CNTN3: variants seen among roughly 807,000 people sequenced by gnomAD.
CNTN3 encodes the protein contactin-3.
A neutral mutation model predicts 119.1 loss-of-function variants in CNTN3; 60 were observed. The ratio of observed to expected loss-of-function variants is 0.50; its 90% CI spans 0.41 to 0.62. CNTN3 has a LOEUF of 0.62. CNTN3 is among the 20% of genes least tolerant of loss of function. The pLI, the probability that CNTN3 is intolerant of heterozygous loss-of-function variation, is 0.00. For synonymous variants in CNTN3, 450 were observed against 438.7 expected (o/e 1.03, Z -0.32); for missense variants, 1,101 against 1,242.4 (o/e 0.89, Z 1.71).
intron 13 of CNTN3, among the ~76,000 whole-genome samples, chr3:74,315,688 A>G (rs1702813917): frequency 6.6e-6 from 1 of 152,224 alleles, no homozygotes; most frequent in African/African-American, 2.4e-5. Context: ...TAAATAACAC[A>G]TGGATCAAAG....
intron 1 of CNTN3, among the ~76,000 whole-genome samples, chr3:74,537,797 C>T (rs1029302206): frequency 1.3e-5 from 2 of 152,012 alleles, no homozygotes; most frequent in African/African-American, 4.8e-5. Context: ...TCCTTCAAAA[C>T]CAATATTTCC....
At chr3:74,417,681 A>G (rs1701547088) in intron 5 of CNTN3, among the ~76,000 whole-genome samples, 2 of 152,234 alleles carry the variant, frequency 1.3e-5, no homozygotes, top group Admixed American at 6.5e-5. Context: ...TCCAACTACA[A>G]AATGGTCTAT....
intron 3 of CNTN3, among the ~76,000 whole-genome samples, chr3:74,490,227 A>C (rs1420679807): frequency 2.6e-5 from 4 of 152,224 alleles, no homozygotes; most frequent in Non-Finnish European, 4.4e-5. Flanking sequence ...TTTCTCAGTT[A>C]CTAAGTGACT....
intron 4 of CNTN3, among the ~76,000 whole-genome samples, chr3:74,477,454 C>A (rs1304934897): frequency 6.6e-6 from 1 of 152,116 alleles, no homozygotes; most frequent in African/African-American, 2.4e-5. Context: ...CTAAAAGATA[C>A]AGATCCTGAC....
At chr3:74,508,354 A>C (rs559391400) in intron 2 of CNTN3, among the ~76,000 whole-genome samples, 9 of 152,088 alleles carry the variant, frequency 5.9e-5, no homozygotes, top group Non-Finnish European at 1.2e-4. Context: ...TTTATAAATT[A>C]CCAGTCTCTG....
chr3:74,361,932 G>C lies in CNTN3; in HGVS notation c.1322C>G (p.Ser441Cys), dbSNP rs780103312. The C allele has an allele frequency of 6.2e-7, 1 of 1,613,746 alleles. No homozygotes were observed. The highest frequency in any genetic ancestry group is 1.1e-5 in the South Asian group (1 of 91,058). The stretch of plus-strand genomic sequence containing the variant: ...GCTCACATCCCCCTTCTTCCAGGAA[G>C]AGAGTGCCCTTGGGGAGGCTCTGGG... Reference protein sequence around the residue: ...CKPRASPRALSSWKKGDVSVQ... With the variant: ...CKPRASPRALCSWKKGDVSVQ... Residue 441 changes from serine to cysteine, a missense_variant, in exon 11 of 23, where the codon TCT becomes TGT. Physicochemically the swap from Ser to Cys is moderately radical, Grantham distance 112 (BLOSUM62 -1). Transcript: ENST00000263665.
At chr3:74,317,267 C>A (rs1412210646) in intron 13 of CNTN3, among the ~76,000 whole-genome samples, 1 of 150,104 alleles carries the variant, frequency 6.7e-6, no homozygotes, top group African/African-American at 2.5e-5. Flanking sequence ...ATACAGCACA[C>A]TGATGGGTCT....
intron 5 of CNTN3, among the ~76,000 whole-genome samples, chr3:74,421,983 C>T (rs1701622955): frequency 6.6e-6 from 1 of 152,210 alleles, no homozygotes; most frequent in South Asian, 2.1e-4. Flanking sequence ...CTTATATCTT[C>T]ACAAAGTTTC....
chr3:74,417,463 T>A (rs1163893381), intron 5 of CNTN3, among the ~76,000 whole-genome samples: 1 of 152,200 alleles, frequency 6.6e-6, no homozygotes, highest in Non-Finnish European at 1.5e-5. Flanking sequence ...ATAAGACATA[T>A]CACATCTTCC....
chr3:74,332,629 T>C (rs531465066), intron 13 of CNTN3, among the ~76,000 whole-genome samples: 2 of 152,366 alleles, frequency 1.3e-5, no homozygotes, highest in South Asian at 2.1e-4. Flanking sequence ...AACTGTTTGA[T>C]GCATATTACA....
intron 13 of CNTN3, among the ~76,000 whole-genome samples, chr3:74,310,990 G>T (rs768096300): frequency 5.9e-5 from 9 of 152,190 alleles, no homozygotes; most frequent in Non-Finnish European, 1.0e-4. Context: ...AGAGGACAGT[G>T]AGTTTAGGGT....
chr3:74,575,486 G>A (rs904997225), intron 1 of CNTN3, among the ~76,000 whole-genome samples: 2 of 151,852 alleles, frequency 1.3e-5, no homozygotes, highest in African/African-American at 2.4e-5. Context: ...TCCTAATTTC[G>A]TGATCTGCCC....
chr3:74,607,145 G>A (rs73839612), intron 1 of CNTN3, among the ~76,000 whole-genome samples: 2,483 of 152,206 alleles, frequency 0.016, 69 homozygotes, highest in African/African-American at 0.056. Context: ...CTTAGGCAAA[G>A]GGAATGCACA....
intron 13 of CNTN3, among the ~76,000 whole-genome samples, chr3:74,308,144 T>C (rs1702601930): frequency 6.6e-6 from 1 of 152,168 alleles, no homozygotes; most frequent in Non-Finnish European, 1.5e-5. Flanking sequence ...CTCTGCATTT[T>C]TGACTACACA....
chr3:74,549,340 CT>C (rs1291699193), intron 1 of CNTN3, among the ~76,000 whole-genome samples: 1 of 152,178 alleles, frequency 6.6e-6, no homozygotes, highest in Non-Finnish European at 1.5e-5. Context: ...AAGCAGAAGC[CT>C]GTACAGCCCA....
intron 4 of CNTN3, among the ~76,000 whole-genome samples, chr3:74,462,850 C>A (rs1018192194): frequency 2.0e-5 from 3 of 152,088 alleles, no homozygotes; most frequent in Non-Finnish European, 2.9e-5. Flanking sequence ...ATTTAAAGAC[C>A]TACATGTTTT....
chr3:74,292,284 G>A (rs1023239254), intron 19 of CNTN3, among the ~76,000 whole-genome samples: 29 of 152,226 alleles, frequency 1.9e-4, no homozygotes, highest in African/African-American at 6.5e-4. Context: ...CCAGAAACTG[G>A]CCAGGTGCAG....
At chr3:74,342,852 G>A (rs937270175) in intron 11 of CNTN3, among the ~76,000 whole-genome samples, 1 of 152,086 alleles carries the variant, frequency 6.6e-6, no homozygotes, top group Non-Finnish European at 1.5e-5. Context: ...ATAAGGCCCA[G>A]GCAATACTCT....
chr3:74,391,557 CTTTTTTTTTTTTTTT>C (rs554976641), intron 5 of CNTN3, among the ~76,000 whole-genome samples: 5 of 87,032 alleles, frequency 5.7e-5, no homozygotes, highest in African/African-American at 2.3e-4. Flanking sequence ...CCCATAGTTT[CTTTTTTTTTTTTTTT>C]TTTTTTTTTG....
Sources: gnomAD v4.1 joint callset for allele counts (sites outside exome capture counted in the v4.1 genomes callset) on GRCh38, gnomAD v4.1.1 for gene constraint, MANE v1.5 for transcripts, NCBI Gene and HGNC (gene_info 2026-07-23, HGNC 2026-07-21) for gene names.